Variants in HFM1 observed in about 807,000 individuals in gnomAD.
The protein encoded by HFM1 is helicase for meiosis 1.
In HFM1, 169 loss-of-function variants were observed where a neutral mutation model predicts 192.1. The observed-to-expected ratio is 0.88, with a 90% CI of 0.78 to 1.00. The LOEUF (loss-of-function observed/expected upper bound fraction) is 1.00, where lower values mean the gene tolerates loss of function less well. HFM1 is among the 50% of genes least tolerant of loss of function. The pLI, the probability that HFM1 is intolerant of heterozygous loss-of-function variation, is 0.00. For missense variants in HFM1, 1,661 were observed against 1,668.0 expected, an observed-to-expected ratio of 1.00 and a Z score of 0.07; for synonymous variants, 525 against 537.8, an observed-to-expected ratio of 0.98 and a Z score of 0.33.
In HFM1 at chr1:91,394,258, C is replaced by T. The variant is rs1016362604; in HGVS notation, c.329G>A (p.Gly110Asp). ...EQDDLNLEGV[G>D]NNDLSHIAGK... The stretch of plus-strand genomic sequence containing the variant: ...AGCAATATGTGATAAGTCATTATTA[C>T]CTACCCCTTCTAAATTTAGATCATC... Residue 110 changes from glycine (G) to aspartate (D), a missense_variant, in exon 4 of 39, where the codon GGT becomes GAT. Coordinates refer to ENST00000370425, the MANE Select transcript of HFM1 (RefSeq NM_001017975.6). 42 of 1,598,834 alleles carry T rather than the reference C, an allele frequency of 2.6e-5. No individual in the cohort carries two copies. Among genetic ancestry groups the T allele is most frequent in the Non-Finnish European group, 3.6e-5 (42 of 1,166,150 alleles).
chr1:91,405,295 T>C (rs1571265673), upstream of HFM1, among the ~76,000 whole-genome samples: 3 of 152,236 alleles, frequency 2.0e-5, no homozygotes. Flanking sequence ...GATATTTAAA[T>C]GTGTTTAGCC....
At chr1:91,359,289 G>T (rs922331299) in intron 13 of HFM1, among the ~76,000 whole-genome samples, 14 of 152,060 alleles carry the variant, frequency 9.2e-5, no homozygotes, top group African/African-American at 3.4e-4. Flanking sequence ...ACAGAAGGTG[G>T]GTAATAACAA....
At chr1:91,303,271 C>A (rs1379966434) in intron 30 of HFM1, among the ~76,000 whole-genome samples, 1 of 152,174 alleles carries the variant, frequency 6.6e-6, no homozygotes, top group Non-Finnish European at 1.5e-5. Context: ...TTGAACCATA[C>A]AATATCTGGT....
intron 4 of HFM1, among the ~76,000 whole-genome samples, chr1:91,393,732 C>T (rs1040495838): frequency 6.6e-6 from 1 of 151,772 alleles, no homozygotes; most frequent in Non-Finnish European, 1.5e-5. Flanking sequence ...CCAAAATGAA[C>T]TCTTAAAGAA....
At chr1:91,404,923 C>A (rs1664727949), upstream of HFM1, 1 of 452,574 alleles carries the variant, frequency 2.2e-6, no homozygotes, top group Admixed American at 2.4e-5. Context: ...CCCTTCCTAC[C>A]TTTTTTTCTC....
intron 13 of HFM1, among the ~76,000 whole-genome samples, chr1:91,370,207 A>G (rs1659977652): frequency 1.3e-5 from 2 of 152,216 alleles, no homozygotes; most frequent in South Asian, 4.2e-4. Context: ...TCCAATCAAT[A>G]GAAAAAGAGG....
intron 26 of HFM1, 98 bp from the exon 27 acceptor site, chr1:91,316,282 C>T: frequency 1.0e-6 from 1 of 1,001,332 alleles, no homozygotes; most frequent in Non-Finnish European, 1.5e-6. Context: ...GCTTATCACC[C>T]AAAAGTAAGT....
At chr1:91,338,558 C>T (rs1196696818) in intron 20 of HFM1, among the ~76,000 whole-genome samples, 1 of 152,148 alleles carries the variant, frequency 6.6e-6, no homozygotes, top group Admixed American at 6.5e-5. Context: ...CCGATGTGCA[C>T]CCACCAACAG....
chr1:91,388,714 C>G (rs1571211744), intron 4 of HFM1, among the ~76,000 whole-genome samples: 1 of 152,110 alleles, frequency 6.6e-6, no homozygotes, highest in Non-Finnish European at 1.5e-5. Context: ...TTAGATATGA[C>G]ACCAAAACCA....
chr1:91,364,983 C>T (rs1160691964), intron 13 of HFM1, among the ~76,000 whole-genome samples: 3 of 151,962 alleles, frequency 2.0e-5, no homozygotes, highest in Admixed American at 2.0e-4. Context: ...CACATGCACA[C>T]ACACAATGGA....
chr1:91,347,549 T>C, intron 18 of HFM1, 73 bp from the exon 19 acceptor site: 6 of 875,350 alleles, frequency 6.9e-6, no homozygotes, highest in Non-Finnish European at 1.1e-5. Context: ...AGTTAACTAG[T>C]GAAGAGCAGT....
intron 1 of HFM1, chr1:91,404,432 C>T (rs978654695): frequency 9.3e-5 from 15 of 161,764 alleles, no homozygotes; most frequent in Non-Finnish European, 1.9e-4. Context: ...TCCCCCCCAG[C>T]GCTCGCTCAG....
intron 20 of HFM1, among the ~76,000 whole-genome samples, chr1:91,326,377 C>T (rs1260852909): frequency 6.6e-6 from 1 of 152,068 alleles, no homozygotes; most frequent in African/African-American, 2.4e-5. Context: ...AAAAAACAAA[C>T]AGCATAGAAT....
rs1176343524 is a variant in HFM1, at chr1:91,331,939, T to C, written c.2336-7173A>G. Among the ~76,000 whole-genome samples, 4 of 151,868 alleles carry C rather than the reference T, an allele frequency of 2.6e-5. No homozygotes were observed. In the East Asian group the frequency reaches 5.8e-4, roughly 22 times the overall value. Reference sequence around the variant, plus strand: ...AAACACAAAAACTATAAAACACTGATGAAAGAAATTGAAGAGGACACCAAA... The same window carrying C: ...AAACACAAAAACTATAAAACACTGACGAAAGAAATTGAAGAGGACACCAAA... On this transcript the variant is annotated intron_variant, in intron 20 of 38. Transcript: ENST00000370425.
intron 36 of HFM1, among the ~76,000 whole-genome samples, chr1:91,263,589 AT>A (rs1295297243): frequency 6.6e-6 from 1 of 151,536 alleles, no homozygotes; most frequent in African/African-American, 2.4e-5. Flanking sequence ...GAAAAAAAAA[AT>A]TTTTTTTAAT....
intron 13 of HFM1, among the ~76,000 whole-genome samples, chr1:91,359,602 C>T (rs1658243614): frequency 6.6e-6 from 1 of 150,712 alleles, no homozygotes; most frequent in African/African-American, 2.4e-5. Context: ...TGAACAAAAC[C>T]TCCAAGAAAT....
intron 18 of HFM1, among the ~76,000 whole-genome samples, chr1:91,347,984 C>T (rs563346156): frequency 8.5e-5 from 13 of 152,066 alleles, no homozygotes; most frequent in Non-Finnish European, 1.8e-4. Context: ...GGAATCTTTT[C>T]AAGAATAGAT....
chr1:91,352,738 G>GT lies in HFM1; in HGVS notation c.1832-88dup, dbSNP rs1274373143. ...TTTAATAAAAGACATTCTTATAAAT[G>GT]TAATAAAAACTCATACATAAGAAAT... is the stretch of plus-strand genomic sequence containing the variant. On this transcript the variant is annotated intron_variant, in intron 15 of 38. Coordinates refer to ENST00000370425, the MANE Select transcript of HFM1 (RefSeq NM_001017975.6). The GT allele has an allele frequency of 4.8e-6, 5 of 1,034,874 alleles. No homozygotes were observed. In the African/African-American group the frequency reaches 6.7e-5, roughly 14 times the overall value. The allele number at this position is 1,034,874 out of a possible 1,614,324, so 64.1% of individuals were successfully genotyped here. A position where few individuals can be genotyped will look rare whatever the true frequency, so the allele number is the denominator to read the frequency against.
At chr1:91,283,142 G>A (rs542338372) in intron 30 of HFM1, among the ~76,000 whole-genome samples, 3 of 152,100 alleles carry the variant, frequency 2.0e-5, no homozygotes, top group East Asian at 1.9e-4. Flanking sequence ...TTACCCTGCC[G>A]CCCTCCCTAC....
Sources: allele counts gnomAD v4.1 joint callset (sites outside exome capture counted in the v4.1 genomes callset), GRCh38; gene constraint gnomAD v4.1.1; transcripts MANE v1.5; gene names NCBI Gene and HGNC (gene_info 2026-07-23, HGNC 2026-07-21).